EPAS1: variants seen among roughly 807,000 people sequenced by gnomAD.
EPAS1 encodes endothelial PAS domain-containing protein 1.
EPAS1 carries 23 observed loss-of-function variants against 87.9 expected under a neutral mutation model. The observed-to-expected ratio is 0.26, with a 90% CI of 0.19 to 0.37. EPAS1 has a LOEUF of 0.37. Among genes scored for constraint, EPAS1 ranks in the 10% least tolerant of loss-of-function variants. The pLI is 1.00. For missense variants in EPAS1, 1,138 were observed against 1,120.7 expected (o/e 1.02, Z -0.22); for synonymous variants, 508 against 444.3 (o/e 1.14, Z -1.80).
chr2:46,376,863 C>T, intron 9 of EPAS1, 110 bp downstream of exon 9: 2 of 1,141,242 alleles, frequency 1.8e-6, no homozygotes, highest in Admixed American at 2.0e-5. Context: ...AGAGCTACCC[C>T]AGCCCCCCAA....
rs1684623016 is a variant in EPAS1 at position 46,371,308 on chromosome 2, T to C, written c.886+1375T>C. Among the ~76,000 whole-genome samples the C allele has an allele frequency of 1.3e-5, 2 of 152,198 alleles. No homozygotes were observed. The highest frequency in any genetic ancestry group is 4.8e-5 in the African/African-American group (2 of 41,468). On this transcript the variant is annotated intron_variant, in intron 7 of 15. Transcript: ENST00000263734. The surrounding 1 kb of genome is among the most constrained non-coding windows in gnomAD (Gnocchi z 4.3). Reference sequence around the variant, plus strand: ...AGCAGAGTCACAACCCCGCAAGCTGTATGTGAACATGGTTAACCCACTCTT... The same window carrying C: ...AGCAGAGTCACAACCCCGCAAGCTGCATGTGAACATGGTTAACCCACTCTT...
intron 4 of EPAS1, among the ~76,000 whole-genome samples, chr2:46,357,524 T>A (rs1195291115): frequency 1.3e-5 from 2 of 152,206 alleles, no homozygotes; most frequent in Admixed American, 1.3e-4. Context: ...TGCCAGGCCT[T>A]CTGAAGGCTT....
At chr2:46,315,135 T>C (rs1338146189) in intron 1 of EPAS1, among the ~76,000 whole-genome samples, 7 of 152,206 alleles carry the variant, frequency 4.6e-5, no homozygotes, top group African/African-American at 1.7e-4. Flanking sequence ...GAAGAGGTTG[T>C]GGCCACTGTG....
chr2:46,321,239 A>G (rs1329862287), intron 1 of EPAS1, among the ~76,000 whole-genome samples: 10 of 152,248 alleles, frequency 6.6e-5, no homozygotes, highest in Admixed American at 5.9e-4. Flanking sequence ...GCCGAATAAT[A>G]TCCTATTGTG....
At chr2:46,355,540 G>T (rs539581395) in intron 2 of EPAS1, among the ~76,000 whole-genome samples, 7 of 152,336 alleles carry the variant, frequency 4.6e-5, no homozygotes, top group Admixed American at 2.6e-4. Context: ...TCACTGTGAA[G>T]ATTACATAGC....
chr2:46,384,366 C>T (rs1684962838), intron 15 of EPAS1, 143 bp from the exon 16 acceptor site: 3 of 1,181,238 alleles, frequency 2.5e-6, no homozygotes, highest in East Asian at 2.4e-5. Context: ...CCCGGGCATG[C>T]AGCAGGCCGT....
intron 1 of EPAS1, among the ~76,000 whole-genome samples, chr2:46,304,066 A>G (rs1683062054): frequency 6.6e-6 from 1 of 152,216 alleles, no homozygotes. Context: ...GACTGTGAAA[A>G]CAAATTTATC....
At chr2:46,327,638 G>A (rs990625727) in intron 1 of EPAS1, among the ~76,000 whole-genome samples, 1 of 152,352 alleles carries the variant, frequency 6.6e-6, no homozygotes, top group Middle Eastern at 3.4e-3. Context: ...AAAACCGGTA[G>A]TGTGGATGGA....
rs757851385 is a variant in EPAS1, at chr2:46,369,890, C to T, written c.843C>T (p.Tyr281=). Residue 281 remains tyrosine, a synonymous_variant, in exon 7 of 16, where the codon TAC becomes TAT. Coordinates refer to ENST00000263734, the MANE Select transcript of EPAS1 (RefSeq NM_001430.5). The part of the protein sequence containing the change: ...ELLGRSAYEF[Y]HALDSENMTK... ...TTGGCCGCTCAGCCTATGAATTCTACCATGCGCTAGACTCCGAGAACATGA... is the reference window on the plus strand; with the variant it reads ...TTGGCCGCTCAGCCTATGAATTCTATCATGCGCTAGACTCCGAGAACATGA... The T allele has an allele frequency of 1.2e-6, 2 of 1,612,946 alleles. No individual in the cohort carries two copies. Among genetic ancestry groups the T allele is most frequent in the South Asian group, 2.2e-5 (2 of 90,688 alleles).
chr2:46,362,252 C>T (rs550412409), intron 6 of EPAS1, among the ~76,000 whole-genome samples: 1 of 152,334 alleles, frequency 6.6e-6, no homozygotes, highest in Admixed American at 6.5e-5. Context: ...CTCAGTTTCC[C>T]CTTCTCCAAA....
rs1558606805 is a variant in EPAS1, at chr2:46,371,150, C to CGGGT, written c.886+1218_886+1221dup. On this transcript the variant is annotated intron_variant, in intron 7 of 15. Coordinates refer to ENST00000263734, the MANE Select transcript of EPAS1 (RefSeq NM_001430.5). This position sits in a 1 kb window ranked among gnomAD's most constrained non-coding sequence, Gnocchi z 4.3. Reference sequence around the variant, plus strand: ...GAGAGGATTATGGGAGGATTAAAAACGGGTAAAGTAAGTCTGAGAAGATTC... The same window carrying CGGGT: ...GAGAGGATTATGGGAGGATTAAAAACGGGTGGGTAAAGTAAGTCTGAGAAGATTC... Among the ~76,000 whole-genome samples the CGGGT allele has an allele frequency of 6.6e-6, 1 of 152,102 alleles. No individual in the cohort carries two copies. The highest frequency in any genetic ancestry group is 2.4e-5 in the African/African-American group (1 of 41,406).
Position 46,297,701 on chromosome 2 carries a change from T to TCC in EPAS1, c.-210_-209dup, listed in dbSNP as rs904461667. The TCC allele has an allele frequency of 3.4e-6, 2 of 584,498 alleles. No individual in the cohort carries two copies. Among genetic ancestry groups the TCC allele is most frequent in the Non-Finnish European group, 6.0e-6 (2 of 334,112 alleles). 36.2% of individuals were successfully genotyped at this position (584,498 alleles called of 1,614,324 possible). On this transcript the variant is annotated 5_prime_UTR_variant, in exon 1 of 16. Coordinates refer to ENST00000263734, the MANE Select transcript of EPAS1 (RefSeq NM_001430.5). ...CCGGACCCCGCCTCCGCGCGCAGGT[T>TCC]CCTCCCAGTCACCTTTCTCCACCCC...
chr2:46,378,576 G>T lies in EPAS1; in HGVS notation c.1444-81G>T, dbSNP rs1442547489. The stretch of plus-strand genomic sequence containing the variant: ...GGAATTGAACCTTTGGGTCCAGGAA[G>T]GTATTTCTTCTTCCATGCTGGACTT... On this transcript the variant is annotated intron_variant, in intron 10 of 15. Transcript: ENST00000263734. The T allele has an allele frequency of 1.0e-5, 12 of 1,174,506 alleles. No individual in the cohort carries two copies. The East Asian group carries it at 2.8e-4, about 27-fold the overall frequency. 72.8% of individuals were successfully genotyped at this position (1,174,506 alleles called of 1,614,324 possible). A position where few individuals can be genotyped will look rare whatever the true frequency, so the allele number is the denominator to read the frequency against.
rs993656514 is a variant in EPAS1 at position 46,385,637 on chromosome 2, G to A, written c.*977G>A. On this transcript the variant is annotated 3_prime_UTR_variant, in exon 16 of 16. Transcript: ENST00000263734. ...TAGGTGTGACAATCCGAGCAGTGGA[G>A]TCATTCAGCGGGAGCACTGCGCGCT... The A allele has an allele frequency of 6.6e-6, 1 of 151,606 alleles. No homozygotes were observed. The highest frequency in any genetic ancestry group is 6.6e-5 in the Admixed American group (1 of 15,180). 9.4% of individuals were successfully genotyped at this position (151,606 alleles called of 1,614,324 possible).
In EPAS1 at chr2:46,384,617, T is replaced by C; in HGVS notation, c.2570T>C (p.Leu857Pro). The C allele has an allele frequency of 3.1e-6, 5 of 1,614,118 alleles. No homozygotes were observed. The highest frequency in any genetic ancestry group is 4.2e-6 in the Non-Finnish European group (5 of 1,180,036). Residue 857 changes from leucine (L) to proline (P), a missense_variant, in exon 16 of 16, where the codon CTG becomes CCG. By Grantham distance (98) the Leu-to-Pro change is moderately conservative (BLOSUM62 -3). Around this residue, in one of 4 missense-constraint regions of EPAS1, gnomAD observed 502 missense variants for 427.1 expected, o/e 1.18. Coordinates refer to ENST00000263734, the MANE Select transcript of EPAS1 (RefSeq NM_001430.5). ...CCCGTGCTGGGAAGCTCCACGCTCC[T>C]GCAAGGAGGGGACCTCCTCAGAGCC... ...NVPVLGSSTL[L>P]QGGDLLRALD...
intron 2 of EPAS1, among the ~76,000 whole-genome samples, chr2:46,352,318 G>A (rs868713255): frequency 6.6e-6 from 1 of 152,222 alleles, no homozygotes; most frequent in South Asian, 2.1e-4. Context: ...TGTCGATTCC[G>A]AGGGAAGGAA....
chr2:46,340,387 C>T (rs759278908), intron 1 of EPAS1, among the ~76,000 whole-genome samples: 8 of 152,134 alleles, frequency 5.3e-5, no homozygotes, highest in Non-Finnish European at 7.4e-5. Flanking sequence ...AGGCTCAGCC[C>T]CAGCGGAGCG....
chr2:46,384,037 G>A (rs1202132601), intron 15 of EPAS1, among the ~76,000 whole-genome samples: 1 of 152,216 alleles, frequency 6.6e-6, no homozygotes, highest in Non-Finnish European at 1.5e-5. Flanking sequence ...TGCCTCCTCG[G>A]CAAGAGAATA....
chr2:46,374,426 C>A (rs1366723799), intron 7 of EPAS1, among the ~76,000 whole-genome samples: 1 of 152,198 alleles, frequency 6.6e-6, no homozygotes, highest in Non-Finnish European at 1.5e-5. Flanking sequence ...TTGTTGGTGA[C>A]AGTTGGTCAA....
Sources: gnomAD v4.1 joint callset for allele counts (sites outside exome capture counted in the v4.1 genomes callset) on GRCh38, gnomAD v4.1.1 for gene constraint, gnomAD v4.1.1 regional missense constraint, Gnocchi (gnomAD v3.1) non-coding constraint, MANE v1.5 for transcripts, NCBI Gene and HGNC (gene_info 2026-07-23, HGNC 2026-07-21) for gene names.